The following ZNF407 variants were observed in gnomAD, a reference collection of about 807,000 sequenced individuals.
The protein encoded by ZNF407 is zinc finger protein 407.
Under a neutral mutation model 131.2 loss-of-function variants are expected in ZNF407, and 17 were observed. That is an observed-to-expected ratio of 0.13 (90% CI 0.09 to 0.19). The LOEUF (loss-of-function observed/expected upper bound fraction) is 0.19, where lower values mean the gene tolerates loss of function less well. ZNF407 is among the 10% of genes least tolerant of loss of function. The pLI is 1.00. For synonymous variants in ZNF407, 1,156 were observed against 1,062.0 expected (o/e 1.09, Z -1.72); for missense variants, 2,681 against 2,830.6 (o/e 0.95, Z 1.20).
At chr18:74,957,106 C>A (rs1370314671) in intron 8 of ZNF407, among the ~76,000 whole-genome samples, 2 of 152,098 alleles carry the variant, frequency 1.3e-5, no homozygotes, top group African/African-American at 2.4e-5. Flanking sequence ...ATAGCCTGGG[C>A]CATAACCTGC....
intron 1 of ZNF407, among the ~76,000 whole-genome samples, chr18:74,629,879 C>G (rs1032134425): frequency 6.6e-6 from 1 of 152,076 alleles, no homozygotes; most frequent in African/African-American, 2.4e-5. Flanking sequence ...TTATTGATTT[C>G]AAGGCATTTT....
chr18:74,986,140 GCA>G (rs1972650251), intron 8 of ZNF407, among the ~76,000 whole-genome samples: 1 of 152,006 alleles, frequency 6.6e-6, no homozygotes, highest in African/African-American at 2.4e-5. Context: ...GCCCCTCACA[GCA>G]CACAGCAGTT....
Position 74,962,570 on chromosome 18 carries a change from A to G in ZNF407, c.5428+41878A>G, listed in dbSNP as rs535380257. Among the ~76,000 whole-genome samples, 3 of 152,282 alleles carry G rather than the reference A, an allele frequency of 2.0e-5. No homozygotes were observed. In the South Asian group the frequency reaches 6.2e-4, roughly 32 times the overall value. ...GGCTCATTCCTCTTCATTCCTTCCC[A>G]CATCCTGCGCCTCAGCCCTCTTGAA... On this transcript the variant is annotated intron_variant, in intron 8 of 8. Coordinates refer to ENST00000299687, the MANE Select transcript of ZNF407 (RefSeq NM_017757.3).
chr18:74,653,637 A>G (rs1316084520), intron 3 of ZNF407, among the ~76,000 whole-genome samples: 2 of 151,840 alleles, frequency 1.3e-5, no homozygotes, highest in Non-Finnish European at 3.0e-5. Flanking sequence ...TTGAATCTTC[A>G]TATATTGATT....
intron 8 of ZNF407, among the ~76,000 whole-genome samples, chr18:74,956,021 TG>T (rs1431258643): frequency 2.6e-5 from 4 of 152,226 alleles, no homozygotes; most frequent in African/African-American, 9.6e-5. Context: ...GCCTTGTTTC[TG>T]GTTCTTTTTT....
In ZNF407 at chr18:74,774,993, T is replaced by A. The variant is rs183685850; in HGVS notation, c.4803-6435T>A. 2.3e-3 allele frequency among the ~76,000 whole-genome samples: 357 copies of A among 152,312 alleles called. 3 individuals carry two copies. Among genetic ancestry groups the A allele is most frequent in the African/African-American group, 8.2e-3 (341 of 41,560 alleles). ...TGAGCCGGTTTGGAGAGGGTACAAG[T>A]ATTTCATGTATTGTCTTTTCAACTT... On this transcript the variant is annotated intron_variant, in intron 3 of 8. Coordinates refer to ENST00000299687, the MANE Select transcript of ZNF407 (RefSeq NM_017757.3).
intron 8 of ZNF407, among the ~76,000 whole-genome samples, chr18:74,987,738 T>C (rs1972670226): frequency 6.6e-6 from 1 of 151,812 alleles, no homozygotes; most frequent in Non-Finnish European, 1.5e-5. Flanking sequence ...TACTTAGGGA[T>C]ACATTTTTTA....
chr18:75,027,981 C>T (rs574612294), intron 8 of ZNF407, among the ~76,000 whole-genome samples: 135 of 152,202 alleles, frequency 8.9e-4, no homozygotes, highest in Non-Finnish European at 1.8e-3. Flanking sequence ...AATGTGAGCA[C>T]AAGGCAGTGG....
intron 3 of ZNF407, among the ~76,000 whole-genome samples, chr18:74,670,050 C>A (rs1986081968): frequency 6.6e-6 from 1 of 152,202 alleles, no homozygotes; most frequent in Admixed American, 6.5e-5. Flanking sequence ...TGTAGTCTGA[C>A]ATGTAGTCTT....
intron 8 of ZNF407, among the ~76,000 whole-genome samples, chr18:74,945,123 G>T (rs576315718): frequency 6.6e-6 from 1 of 152,048 alleles, no homozygotes; most frequent in Non-Finnish European, 1.5e-5. Context: ...TTTTTAACCC[G>T]GGTAGAAGTG....
intron 8 of ZNF407, among the ~76,000 whole-genome samples, chr18:75,041,172 A>G (rs1973368294): frequency 6.6e-6 from 1 of 152,238 alleles, no homozygotes; most frequent in Non-Finnish European, 1.5e-5. Flanking sequence ...GCCCAGGCAT[A>G]TGTAGCTAGT....
At chr18:74,811,506 C>T (rs1318170232) in intron 4 of ZNF407, among the ~76,000 whole-genome samples, 5 of 152,168 alleles carry the variant, frequency 3.3e-5, no homozygotes, top group Admixed American at 2.6e-4. Flanking sequence ...CCATTTGACC[C>T]AGCCATCCCA....
At chr18:74,705,809 AC>A in intron 3 of ZNF407, among the ~76,000 whole-genome samples, 1 of 152,308 alleles carries the variant, frequency 6.6e-6, no homozygotes, top group East Asian at 1.9e-4. Flanking sequence ...TGAGATGTGA[AC>A]TTTCTTTTGC....
intron 3 of ZNF407, among the ~76,000 whole-genome samples, chr18:74,649,230 T>G (rs1985114215): frequency 6.6e-6 from 1 of 152,232 alleles, no homozygotes; most frequent in African/African-American, 2.4e-5. Flanking sequence ...GGGATGGTTG[T>G]TTTTGAAGGA....
chr18:75,017,384 G>A (rs9957367), intron 8 of ZNF407, among the ~76,000 whole-genome samples: 136,313 of 152,042 alleles, frequency 0.9, 62,413 homozygotes, highest in East Asian at 1. Context: ...GGAAAGTGTG[G>A]AAAAATTTTT....
intron 3 of ZNF407, among the ~76,000 whole-genome samples, chr18:74,765,041 C>A (rs1969197001): frequency 6.6e-6 from 1 of 151,938 alleles, no homozygotes; most frequent in Non-Finnish European, 1.5e-5. Flanking sequence ...AAAAGTGGAC[C>A]CACACAGTTC....
intron 7 of ZNF407, chr18:74,898,439 A>G (rs1013421571): frequency 3.9e-5 from 6 of 152,242 alleles, no homozygotes; most frequent in African/African-American, 1.4e-4. Context: ...TGGTAAAACA[A>G]TGTTGCACTG....
intron 4 of ZNF407, among the ~76,000 whole-genome samples, chr18:74,840,347 C>A (rs1970615319): frequency 1.3e-5 from 2 of 151,992 alleles, no homozygotes; most frequent in South Asian, 4.2e-4. Context: ...GCCAAGAACT[C>A]TCAAGTTGGT....
intron 3 of ZNF407, among the ~76,000 whole-genome samples, chr18:74,678,047 C>T (rs1966893962): frequency 6.6e-6 from 1 of 152,008 alleles, no homozygotes; most frequent in Non-Finnish European, 1.5e-5. Context: ...TCTTGAACTC[C>T]TGACCTCAGG....
Sources: allele counts gnomAD v4.1 joint callset (sites outside exome capture counted in the v4.1 genomes callset), GRCh38; gene constraint gnomAD v4.1.1; transcripts MANE v1.5; gene names NCBI Gene and HGNC (gene_info 2026-07-23, HGNC 2026-07-21).